Variants in EYA1 observed in about 807,000 individuals in gnomAD.
EYA1 encodes protein phosphatase EYA1.
Under a neutral mutation model 82.0 loss-of-function variants are expected in EYA1, and 16 were observed. The ratio of observed to expected loss-of-function variants is 0.20; its 90% CI spans 0.13 to 0.30. The LOEUF (loss-of-function observed/expected upper bound fraction) is 0.30, where lower values mean the gene tolerates loss of function less well. Ranked by LOEUF, EYA1 falls within the 10% of genes least tolerant of loss-of-function variation. The pLI is 1.00. For missense variants in EYA1, 633 were observed against 730.7 expected (o/e 0.87, Z 1.54); for synonymous variants, 261 against 264.4 (o/e 0.99, Z 0.12).
At chr8:71,403,237 A>T (rs1333648352) in intron 2 of EYA1, among the ~76,000 whole-genome samples, 1 of 152,240 alleles carries the variant, frequency 6.6e-6, no homozygotes, top group Non-Finnish European at 1.5e-5. Context: ...TCCAATACAA[A>T]ATTGTTCAAA....
intron 2 of EYA1, among the ~76,000 whole-genome samples, chr8:71,494,022 C>CAAAAAAAAAAAAAAAAAAAAAAAAA (rs34340467): frequency 4.8e-5 from 2 of 41,870 alleles, no homozygotes; most frequent in Admixed American, 3.4e-4. Flanking sequence ...GACTCCGTCT[C>CAAAAAAAAAAAAAAAAAAAAAAAAA]AAAAAAAAAA....
intron 2 of EYA1, among the ~76,000 whole-genome samples, chr8:71,497,893 C>A (rs1811534721): frequency 6.6e-6 from 1 of 152,132 alleles, no homozygotes; most frequent in African/African-American, 2.4e-5. Flanking sequence ...AAAGGAAATC[C>A]TGTCATTTGC....
chr8:71,231,475 G>A (rs1187115495), intron 12 of EYA1, among the ~76,000 whole-genome samples: 1 of 152,098 alleles, frequency 6.6e-6, no homozygotes, highest in Non-Finnish European at 1.5e-5. Context: ...TTTCTTCCTG[G>A]GGAAGTCACT....
In EYA1 at chr8:71,299,018, T is replaced by C. The variant is rs907592698; in HGVS notation, c.826+29A>G. On this transcript the variant is annotated intron_variant, in intron 9 of 17. Transcript: ENST00000340726. ...CATTGAAACCATTGAAAATATCACC[T>C]GCAGGACTAATAATATTCACATAAT... The C allele has an allele frequency of 2.5e-6, 4 of 1,597,478 alleles. No individual in the cohort carries two copies. In the African/African-American group the frequency reaches 5.4e-5, roughly 21 times the overall value.
At chr8:71,452,804 C>A (rs566359275) in intron 2 of EYA1, among the ~76,000 whole-genome samples, 1 of 152,146 alleles carries the variant, frequency 6.6e-6, no homozygotes, top group Non-Finnish European at 1.5e-5. Context: ...GTAGATAAAA[C>A]CACAAAGATC....
At chr8:71,240,477 C>T (rs78046042) in intron 12 of EYA1, among the ~76,000 whole-genome samples, 5,165 of 152,186 alleles carry the variant, frequency 0.034, 116 homozygotes, top group Non-Finnish European at 0.051. Context: ...TTGCTACTAA[C>T]GGGGTGAGCG....
At chr8:71,397,157 C>A (rs1426902260) in intron 2 of EYA1, among the ~76,000 whole-genome samples, 1 of 152,132 alleles carries the variant, frequency 6.6e-6, no homozygotes, top group Non-Finnish European at 1.5e-5. Context: ...CTTTCTCCAT[C>A]CCTTTATTTT....
At chr8:71,220,545 G>A (rs1466595945) in intron 12 of EYA1, among the ~76,000 whole-genome samples, 2 of 152,196 alleles carry the variant, frequency 1.3e-5, no homozygotes, top group Non-Finnish European at 1.5e-5. Flanking sequence ...ATTCATGTAC[G>A]TGTCAAATTA....
At chr8:71,428,962 A>C (rs1805440217) in intron 2 of EYA1, among the ~76,000 whole-genome samples, 1 of 152,172 alleles carries the variant, frequency 6.6e-6, no homozygotes, top group Non-Finnish European at 1.5e-5. Flanking sequence ...TGAATACCCC[A>C]GAGGCCTTCA....
At chr8:71,371,274 A>G (rs1189776912) in intron 2 of EYA1, among the ~76,000 whole-genome samples, 1 of 152,180 alleles carries the variant, frequency 6.6e-6, no homozygotes, top group African/African-American at 2.4e-5. Context: ...TTTTGATAAC[A>G]GGCAGATTAT....
intron 2 of EYA1, among the ~76,000 whole-genome samples, chr8:71,405,577 C>A (rs1322058293): frequency 6.6e-6 from 1 of 152,134 alleles, no homozygotes; most frequent in African/African-American, 2.4e-5. Flanking sequence ...TGCACTATGT[C>A]TGGTACACAA....
chr8:71,214,381 T>C (rs1585804758), intron 16 of EYA1, among the ~76,000 whole-genome samples: 1 of 152,310 alleles, frequency 6.6e-6, no homozygotes, highest in African/African-American at 2.4e-5. Flanking sequence ...TTGTTCTCAC[T>C]AGCCCATCTA....
At chr8:71,450,558 C>A (rs151231480) in intron 2 of EYA1, among the ~76,000 whole-genome samples, 2 of 152,004 alleles carry the variant, frequency 1.3e-5, no homozygotes, top group South Asian at 4.2e-4. Context: ...ATAACAGATA[C>A]AATAATTATG....
At chr8:71,389,340 GA>G (rs1012069913) in intron 2 of EYA1, among the ~76,000 whole-genome samples, 3 of 152,032 alleles carry the variant, frequency 2.0e-5, no homozygotes, top group African/African-American at 4.8e-5. Context: ...TGCTTTAGAA[GA>G]AAAACGTTAG....
At chr8:71,391,846 A>C (rs189978098) in intron 2 of EYA1, among the ~76,000 whole-genome samples, 18 of 151,972 alleles carry the variant, frequency 1.2e-4, no homozygotes, top group Admixed American at 7.2e-4. Flanking sequence ...TGTAGAGCTC[A>C]GTGGTGAGCC....
At chr8:71,384,029 T>A (rs929569169) in intron 2 of EYA1, among the ~76,000 whole-genome samples, 4 of 152,184 alleles carry the variant, frequency 2.6e-5, no homozygotes, top group Non-Finnish European at 2.9e-5. Flanking sequence ...CTTTTTTTTT[T>A]AAATTCATTG....
intron 2 of EYA1, among the ~76,000 whole-genome samples, chr8:71,428,685 A>G (rs999873871): frequency 3.3e-5 from 5 of 152,160 alleles, no homozygotes; most frequent in Non-Finnish European, 7.4e-5. Flanking sequence ...TTTTCATTTG[A>G]GGTGCATTCA....
chr8:71,428,858 C>A (rs1025974334), intron 2 of EYA1, among the ~76,000 whole-genome samples: 1 of 151,730 alleles, frequency 6.6e-6, no homozygotes, highest in Non-Finnish European at 1.5e-5. Flanking sequence ...AAGCTGAAAT[C>A]TCTAAGTTTA....
chr8:71,512,270 A>C (rs1192966046), intron 2 of EYA1, among the ~76,000 whole-genome samples: 1 of 152,188 alleles, frequency 6.6e-6, no homozygotes, highest in Non-Finnish European at 1.5e-5. Flanking sequence ...GCTGAATTTC[A>C]GAAAGATGTC....
Sources: allele counts gnomAD v4.1 joint callset (sites outside exome capture counted in the v4.1 genomes callset), GRCh38; gene constraint gnomAD v4.1.1; transcripts MANE v1.5; gene names NCBI Gene and HGNC (gene_info 2026-07-23, HGNC 2026-07-21).